Variants in PYHIN1 observed in about 807,000 individuals in gnomAD.
PYHIN1 encodes pyrin and HIN domain-containing protein 1.
PYHIN1 carries 32 observed loss-of-function variants against 43.7 expected under a neutral mutation model. The observed-to-expected ratio is 0.73, with a 90% CI of 0.55 to 0.98. The LOEUF (loss-of-function observed/expected upper bound fraction) is 0.98. Among genes scored for constraint, PYHIN1 ranks in the 50% least tolerant of loss-of-function variants. The pLI is 0.00. For missense variants in PYHIN1, 588 were observed against 589.5 expected (o/e 1.00, Z 0.03); for synonymous variants, 205 against 203.1 (o/e 1.01, Z -0.08).
downstream of PYHIN1, among the ~76,000 whole-genome samples, chr1:158,979,145 T>C (rs543878230): frequency 6.6e-6 from 1 of 152,294 alleles, no homozygotes; most frequent in South Asian, 2.1e-4. Flanking sequence ...TGTATTAGAA[T>C]TTTATGATGA....
downstream of PYHIN1, among the ~76,000 whole-genome samples, chr1:158,978,953 C>T (rs1047687039): frequency 7.2e-5 from 11 of 152,162 alleles, no homozygotes; most frequent in Non-Finnish European, 1.3e-4. Flanking sequence ...CAGAACAGCT[C>T]ACAGAGATCT....
At chr1:158,954,821 G>GTCAA (rs1409806103) in intron 7 of PYHIN1, among the ~76,000 whole-genome samples, 3 of 151,122 alleles carry the variant, frequency 2.0e-5, no homozygotes, top group African/African-American at 7.3e-5. Flanking sequence ...TGGATAAAGA[G>GTCAA]TCAAGACCCA....
At chr1:158,948,790 G>A (rs1259808504) in intron 7 of PYHIN1, among the ~76,000 whole-genome samples, 2 of 152,166 alleles carry the variant, frequency 1.3e-5, no homozygotes, top group African/African-American at 4.8e-5. Context: ...GAGGAACCTT[G>A]CCAATCATGT....
chr1:158,974,900 C>T (rs577347272), intron 8 of PYHIN1, among the ~76,000 whole-genome samples: 4 of 152,110 alleles, frequency 2.6e-5, no homozygotes, highest in South Asian at 2.1e-4. Context: ...AATTGAACAT[C>T]CCAGGACAAC....
rs763645832 is a variant in PYHIN1, at chr1:158,942,383, T to C, written c.986T>C (p.Leu329Ser). 2 of 1,595,736 alleles carry C rather than the reference T, an allele frequency of 1.3e-6. No homozygotes were observed. Among genetic ancestry groups the C allele is most frequent in the East Asian group, 4.5e-5 (2 of 44,768 alleles). ...KQTSGYIVYG[L>S]FMLHTKIVNR... Reference sequence around the variant, plus strand: ...ACTTCAGGATATATTGTATATGGATTATTTATGCTACATACGGTAAGGCAT... The same window carrying C: ...ACTTCAGGATATATTGTATATGGATCATTTATGCTACATACGGTAAGGCAT... The change falls in exon 5 of 9, where the codon TTA (leucine) becomes TCA (serine). Residue 329 changes from leucine to serine, a missense_variant. Leu to Ser is a moderately radical substitution (Grantham distance 145, BLOSUM62 -2). Coordinates refer to ENST00000368140, the MANE Select transcript of PYHIN1 (RefSeq NM_152501.5).
intron 4 of PYHIN1, 24 bp downstream of exon 4, chr1:158,939,271 T>C (rs1047171834): frequency 1.3e-6 from 2 of 1,584,210 alleles, no homozygotes; most frequent in Admixed American, 3.6e-5. Context: ...GGTCCCCTTT[T>C]GATTCATTTT....
At chr1:158,974,235 A>G (rs999248057) in intron 8 of PYHIN1, among the ~76,000 whole-genome samples, 3 of 151,924 alleles carry the variant, frequency 2.0e-5, no homozygotes, top group African/African-American at 7.3e-5. Flanking sequence ...ATTTGCCCCA[A>G]TATATTTCTG....
intron 5 of PYHIN1, among the ~76,000 whole-genome samples, 181 bp downstream of exon 5, chr1:158,942,580 G>A (rs1009203847): frequency 6.6e-6 from 1 of 152,128 alleles, no homozygotes. Flanking sequence ...AACTATTAAT[G>A]TTCTCATTCT....
At chr1:158,941,506 A>C (rs947999378) in intron 4 of PYHIN1, among the ~76,000 whole-genome samples, 4 of 152,196 alleles carry the variant, frequency 2.6e-5, no homozygotes, top group African/African-American at 9.7e-5. Context: ...TTGTATGCTA[A>C]AAATTGCCCT....
At position 158,938,501 on chromosome 1, in the gene PYHIN1, C is replaced by G. The variant is rs563757453; in HGVS notation, c.370C>G (p.Arg124Gly). ...PATPACTPSN[R>G]LTAKGAEETL... The stretch of plus-strand genomic sequence containing the variant: ...TACACCTGCATGCACCCCAAGCAAC[C>G]GTCTCACAGCTAAAGGAGCAGAGGA... Residue 124 changes from arginine (R) to glycine (G), a missense_variant, in exon 3 of 9, where the codon CGT becomes GGT. Physicochemically the swap from Arg to Gly is moderately radical, Grantham distance 125 (BLOSUM62 -2). Coordinates refer to ENST00000368140, the MANE Select transcript of PYHIN1 (RefSeq NM_152501.5). The G allele has an allele frequency of 9.2e-5, 149 of 1,614,080 alleles. No individual in the cohort carries two copies. The highest frequency in any genetic ancestry group is 1.2e-4 in the Non-Finnish European group (145 of 1,180,042).
intron 7 of PYHIN1, among the ~76,000 whole-genome samples, chr1:158,970,433 A>G (rs377590274): frequency 5.2e-4 from 79 of 151,726 alleles, no homozygotes; most frequent in African/African-American, 1.9e-3. Flanking sequence ...CCCTCACCCT[A>G]CTCCCACACT....
intron 7 of PYHIN1, among the ~76,000 whole-genome samples, chr1:158,949,168 C>T (rs371708858): frequency 1.3e-5 from 2 of 152,100 alleles, no homozygotes; most frequent in Admixed American, 6.6e-5. Flanking sequence ...CCCATCCCCC[C>T]ATCAGCCCAA....
At chr1:158,981,267 C>T (rs539092268), downstream of PYHIN1, among the ~76,000 whole-genome samples, 4 of 152,158 alleles carry the variant, frequency 2.6e-5, no homozygotes, top group East Asian at 1.9e-4. Context: ...GTCAGGAGTT[C>T]GAGACCAGCC....
chr1:158,937,266 T>A, intron 2 of PYHIN1, 91 bp downstream of exon 2: 3 of 1,375,948 alleles, frequency 2.2e-6, no homozygotes, highest in Admixed American at 2.5e-5. Context: ...AGCTGATACA[T>A]CCTTTTCCCA....
chr1:158,945,076 C>A, intron 7 of PYHIN1, 34 bp downstream of exon 7: 1 of 1,569,228 alleles, frequency 6.4e-7, no homozygotes, highest in South Asian at 1.2e-5. Context: ...CTCTTATCTC[C>A]CAAATATAAA....
chr1:158,976,494 G>T (rs1291128239), intron 8 of PYHIN1, among the ~76,000 whole-genome samples: 1 of 151,914 alleles, frequency 6.6e-6, no homozygotes, highest in Non-Finnish European at 1.5e-5. Context: ...AGTGAATATC[G>T]CATTTCATGG....
At chr1:158,938,764 A>G (rs1050243426) in intron 3 of PYHIN1, among the ~76,000 whole-genome samples, 1 of 152,226 alleles carries the variant, frequency 6.6e-6, no homozygotes, top group East Asian at 1.9e-4. Context: ...TAATATTTTC[A>G]TCTCCAATAG....
At chr1:158,942,546 C>T (rs1048078999) in intron 5 of PYHIN1, 147 bp downstream of exon 5, 9 of 621,062 alleles carry the variant, frequency 1.4e-5, no homozygotes, top group African/African-American at 3.7e-5. Flanking sequence ...AAGTCTTCTT[C>T]GAGGTTAAGA....
At chr1:158,965,769 G>A (rs777491370) in intron 7 of PYHIN1, among the ~76,000 whole-genome samples, 5 of 152,050 alleles carry the variant, frequency 3.3e-5, no homozygotes, top group African/African-American at 7.2e-5. Flanking sequence ...AGCACTAAGC[G>A]CTCACATCAA....
Sources: allele counts gnomAD v4.1 joint callset (sites outside exome capture counted in the v4.1 genomes callset), GRCh38; gene constraint gnomAD v4.1.1; transcripts MANE v1.5; gene names NCBI Gene and HGNC (gene_info 2026-07-23, HGNC 2026-07-21).